Variants in RABEP1 observed in about 807,000 individuals in gnomAD.
RABEP1 encodes rab GTPase-binding effector protein 1.
RABEP1 carries 51 observed loss-of-function variants against 123.4 expected under a neutral mutation model. That is an observed-to-expected ratio of 0.41 (90% CI 0.33 to 0.52). The LOEUF (loss-of-function observed/expected upper bound fraction) is 0.52. Among genes scored for constraint, RABEP1 ranks in the 20% least tolerant of loss-of-function variants. The pLI, the probability that RABEP1 is intolerant of heterozygous loss-of-function variation, is 0.16. For synonymous variants in RABEP1, 347 were observed against 355.2 expected (o/e 0.98, Z 0.26); for missense variants, 888 against 996.3 (o/e 0.89, Z 1.46).
rs780672573 is a variant in RABEP1 at position 5,350,632 on chromosome 17, G to A, written c.963+3G>A. 4.3e-6 allele frequency: 7 copies of A among 1,613,586 alleles called. No homozygotes were observed. In the South Asian group the frequency reaches 6.6e-5, roughly 15 times the overall value. On this transcript the variant is annotated splice_donor_region_variant and intron_variant, in intron 7 of 17. Coordinates refer to ENST00000537505, the MANE Select transcript of RABEP1 (RefSeq NM_004703.6). ...AAGAACTGAAGAAGAAAGATCAGGT[G>A]AATAGAAGTTTTTAGGACTGATTTG...
chr17:5,318,493 CAT>C (rs2144556056), intron 2 of RABEP1, among the ~76,000 whole-genome samples: 1 of 152,232 alleles, frequency 6.6e-6, no homozygotes, highest in Admixed American at 6.5e-5. Flanking sequence ...CTCTAGGTCC[CAT>C]ATATAGTAAA....
chr17:5,299,694 T>C (rs2075115245), intron 1 of RABEP1, among the ~76,000 whole-genome samples: 1 of 150,148 alleles, frequency 6.7e-6, no homozygotes, highest in Admixed American at 6.6e-5. Flanking sequence ...CTCTCTGCAC[T>C]CATTTCTTTT....
chr17:5,363,197 C>G (rs977515186), intron 10 of RABEP1, among the ~76,000 whole-genome samples, 181 bp downstream of exon 10: 1 of 150,576 alleles, frequency 6.6e-6, no homozygotes, highest in East Asian at 2.0e-4. Flanking sequence ...CTCACTAGGA[C>G]TCTGCTTTTT....
chr17:5,329,645 A>G (rs1906328437), intron 2 of RABEP1, among the ~76,000 whole-genome samples: 1 of 152,148 alleles, frequency 6.6e-6, no homozygotes, highest in Admixed American at 6.6e-5. Flanking sequence ...AATCTTAATA[A>G]TTACATATAC....
chr17:5,367,383 T>G (rs907598926), intron 11 of RABEP1, among the ~76,000 whole-genome samples: 1 of 151,928 alleles, frequency 6.6e-6, no homozygotes, highest in East Asian at 2.0e-4. Flanking sequence ...GCGATTCTCC[T>G]GCCTCAGCCT....
In RABEP1 at chr17:5,383,441, A is replaced by T. The variant is rs1911667712; in HGVS notation, c.*218A>T. The T allele has an allele frequency of 7.8e-6, 4 of 514,142 alleles. No individual in the cohort carries two copies. The highest frequency in any genetic ancestry group is 3.2e-5 in the Admixed American group (1 of 30,778). The allele number at this position is 514,142 out of a possible 1,614,324, so 31.8% of individuals were successfully genotyped here. A position where few individuals can be genotyped will look rare whatever the true frequency, so the allele number is the denominator to read the frequency against. On this transcript the variant is annotated 3_prime_UTR_variant, in exon 18 of 18. Transcript: ENST00000537505. ...GAGACCTTCAAATGCGAACACTATA[A>T]ACTCCAGGCTTGATTCCAACAGGCG...
intron 5 of RABEP1, among the ~76,000 whole-genome samples, chr17:5,342,227 GAAAA>G (rs918993521): frequency 3.3e-5 from 5 of 150,736 alleles, no homozygotes; most frequent in African/African-American, 7.4e-5. Context: ...TAAAAAAAAA[GAAAA>G]AAAAGAAAAA....
rs1911727332 is a variant in RABEP1 at position 5,383,982 on chromosome 17, A to AC, written c.*761dup. Reference sequence around the variant, plus strand: ...GATGATCTTCATGGGCCCACAGGGTACCAGGATAAAGCCGAACTGGTACCA... The same window carrying AC: ...GATGATCTTCATGGGCCCACAGGGTACCCAGGATAAAGCCGAACTGGTACCA... On this transcript the variant is annotated 3_prime_UTR_variant, in exon 18 of 18. Coordinates refer to ENST00000537505, the MANE Select transcript of RABEP1 (RefSeq NM_004703.6). The AC allele has an allele frequency of 4.6e-6, 1 of 219,590 alleles. No individual in the cohort carries two copies. Among genetic ancestry groups the AC allele is most frequent in the Admixed American group, 5.8e-5 (1 of 17,324 alleles). The allele number at this position is 219,590 out of a possible 1,614,324, so 13.6% of individuals were successfully genotyped here. A position where few individuals can be genotyped will look rare whatever the true frequency, so the allele number is the denominator to read the frequency against.
At chr17:5,369,880 A>C (rs905282354) in intron 12 of RABEP1, among the ~76,000 whole-genome samples, 1 of 151,962 alleles carries the variant, frequency 6.6e-6, no homozygotes, top group Non-Finnish European at 1.5e-5. Flanking sequence ...TTGTATTTTT[A>C]GTAGAGACGG....
chr17:5,374,102 T>C (rs1910773438), intron 13 of RABEP1, among the ~76,000 whole-genome samples: 1 of 152,208 alleles, frequency 6.6e-6, no homozygotes, highest in African/African-American at 2.4e-5. Context: ...AGATAATATC[T>C]GTCACCCAGG....
At chr17:5,377,059 CTTCT>C in intron 13 of RABEP1, 53 bp from the exon 14 acceptor site, 2 of 1,492,074 alleles carry the variant, frequency 1.3e-6, no homozygotes, top group Non-Finnish European at 9.0e-7. Context: ...AAATCTTTAG[CTTCT>C]TTATTTCCTT....
chr17:5,381,581 A>AGT, intron 17 of RABEP1, 76 bp downstream of exon 17: 1 of 1,523,494 alleles, frequency 6.6e-7, no homozygotes, highest in Non-Finnish European at 8.8e-7. Flanking sequence ...CCCTGACTTG[A>AGT]CCACTGGCAG....
chr17:5,309,296 A>C (rs1192791187), intron 2 of RABEP1, among the ~76,000 whole-genome samples: 1 of 152,180 alleles, frequency 6.6e-6, no homozygotes, highest in African/African-American at 2.4e-5. Flanking sequence ...TGGTTCTTTA[A>C]CTTGGTTGAA....
At chr17:5,341,644 TAGAA>T (rs747385518) in intron 5 of RABEP1, among the ~76,000 whole-genome samples, 10 of 152,090 alleles carry the variant, frequency 6.6e-5, no homozygotes, top group Non-Finnish European at 1.5e-4. Flanking sequence ...AGCAAACACA[TAGAA>T]AGGTAGTATG....
rs189414196 is a variant in RABEP1, at chr17:5,350,886, C to T, written c.963+257C>T. Among the ~76,000 whole-genome samples the T allele has an allele frequency of 2.3e-4, 35 of 152,254 alleles. No individual in the cohort carries two copies. In the East Asian group the frequency reaches 4.2e-3, roughly 18 times the overall value. ...CTGCAGGATGCAGCAGTGCGTATTT[C>T]GGAGAAAATCTTTCTCTCCTGTGCT... On this transcript the variant is annotated intron_variant, in intron 7 of 17. Coordinates refer to ENST00000537505, the MANE Select transcript of RABEP1 (RefSeq NM_004703.6).
intron 10 of RABEP1, among the ~76,000 whole-genome samples, chr17:5,364,599 G>GT (rs1909852763): frequency 6.6e-6 from 1 of 151,966 alleles, no homozygotes; most frequent in Admixed American, 6.6e-5. Context: ...AGGTGTGGTG[G>GT]TGCATGCCTG....
intron 10 of RABEP1, among the ~76,000 whole-genome samples, chr17:5,364,848 TA>T (rs1303666564): frequency 6.6e-6 from 1 of 152,148 alleles, no homozygotes; most frequent in African/African-American, 2.4e-5. Flanking sequence ...GGATACACTC[TA>T]GTTAGGGAGA....
intron 17 of RABEP1, 119 bp downstream of exon 17, chr17:5,381,624 C>T (rs1228667151): frequency 7.0e-7 from 1 of 1,436,562 alleles, no homozygotes; most frequent in Non-Finnish European, 9.2e-7. Context: ...CTGCTCCTAC[C>T]TCCACCCCAA....
chr17:5,361,913 T>A, intron 9 of RABEP1: 1 of 467,208 alleles, frequency 2.1e-6, no homozygotes, highest in Non-Finnish European at 3.8e-6. Context: ...CCTCCCCACC[T>A]GAACTCACAG....
Sources: gnomAD v4.1 joint callset for allele counts (sites outside exome capture counted in the v4.1 genomes callset) on GRCh38, gnomAD v4.1.1 for gene constraint, MANE v1.5 for transcripts, NCBI Gene and HGNC (gene_info 2026-07-23, HGNC 2026-07-21) for gene names.